The following CAPN12 variants were observed in gnomAD, a reference collection of about 807,000 sequenced individuals.
The protein encoded by CAPN12 is calpain 12, also known as calpain-12.
Under a neutral mutation model 95.0 loss-of-function variants are expected in CAPN12, and 107 were observed. That is an observed-to-expected ratio of 1.13 (90% CI 0.96 to 1.32). CAPN12 has a LOEUF of 1.32. Ranked by LOEUF, CAPN12 falls within the 40% of genes most tolerant of loss-of-function variation. The pLI is 0.00. For synonymous variants in CAPN12, 505 were observed against 415.5 expected, an observed-to-expected ratio of 1.22 and a Z score of -2.62; for missense variants, 1,136 against 997.8, an observed-to-expected ratio of 1.14 and a Z score of -1.87.
chr19:38,731,746 C>T (rs995216411), intron 18 of CAPN12, among the ~76,000 whole-genome samples: 7 of 152,228 alleles, frequency 4.6e-5, no homozygotes, highest in Non-Finnish European at 1.0e-4. Context: ...GTCTCCCACA[C>T]GGCCAGACAA....
Position 38,737,181 on chromosome 19 carries a change from A to G in CAPN12, c.1337T>C (p.Leu446Pro). The change falls in exon 10 of 21, where the codon CTC becomes CCC. Residue 446 changes from leucine (L) to proline (P), a missense_variant. Physicochemically the swap from Leu to Pro is moderately conservative, Grantham distance 98. Transcript: ENST00000328867. ...CTGGAACACGTGGAAGCCAACGGTGAGGTAAGTGAGGCCCTTGGCTCTCAG... is the reference window on the plus strand; with the variant it reads ...CTGGAACACGTGGAAGCCAACGGTGGGGTAAGTGAGGCCCTTGGCTCTCAG... ...RRLRAKGLTYLTVGFHVFQIP... is the reference protein window; with the variant it reads ...RRLRAKGLTYPTVGFHVFQIP... The G allele has an allele frequency of 6.5e-7, 1 of 1,539,506 alleles. No individual in the cohort carries two copies. The highest frequency in any genetic ancestry group is 8.7e-7 in the Non-Finnish European group (1 of 1,143,874).
intron 14 of CAPN12, 59 bp downstream of exon 14, chr19:38,735,311 G>C (rs548358485): frequency 1.3e-6 from 2 of 1,489,430 alleles, no homozygotes; most frequent in East Asian, 2.3e-5. Flanking sequence ...GTGGGGGAAG[G>C]GGGGTCCCCA....
intron 4 of CAPN12, among the ~76,000 whole-genome samples, chr19:38,741,075 C>G (rs896456187): frequency 2.0e-5 from 3 of 152,010 alleles, no homozygotes; most frequent in Admixed American, 2.0e-4. Flanking sequence ...CCCAGGGTGA[C>G]CCCCAATATT....
At chr19:38,732,565 T>C (rs755793617) in intron 18 of CAPN12, among the ~76,000 whole-genome samples, 1 of 152,202 alleles carries the variant, frequency 6.6e-6, no homozygotes, top group Non-Finnish European at 1.5e-5. Flanking sequence ...ACTCCTAGGC[T>C]CAAGCAATCT....
intron 18 of CAPN12, 90 bp from the exon 19 acceptor site, chr19:38,731,313 A>C: frequency 1.0e-6 from 1 of 972,244 alleles, no homozygotes; most frequent in African/African-American, 1.6e-5. Context: ...GAGGACATGA[A>C]TGCCACAGGG....
rs1211089292 is a variant in CAPN12, at chr19:38,730,510, CAT to C, written c.*340_*341del. ...ACCCTCTGGGGACAGGATAATAAAA[CAT>C]GTAATATTTTTAAGAAGGATTCCTG... On this transcript the variant is annotated 3_prime_UTR_variant, in exon 21 of 21. Transcript: ENST00000328867. 5.7e-5 allele frequency: 20 copies of C among 349,864 alleles called. No individual in the cohort carries two copies. The highest frequency in any genetic ancestry group is 1.0e-4 in the East Asian group (2 of 19,150). 21.7% of individuals were successfully genotyped at this position (349,864 alleles called of 1,614,324 possible). A position where few individuals can be genotyped will look rare whatever the true frequency, so the allele number is the denominator to read the frequency against.
At chr19:38,736,347 C>T (rs751479451) in intron 11 of CAPN12, 29 bp from the exon 12 acceptor site, 3 of 1,459,160 alleles carry the variant, frequency 2.1e-6, no homozygotes, top group South Asian at 2.8e-5. Context: ...GACCACGGAC[C>T]AGGCTCACCC....
At chr19:38,736,359 C>T (rs994967475) in intron 11 of CAPN12, 41 bp from the exon 12 acceptor site, 13 of 1,465,954 alleles carry the variant, frequency 8.9e-6, no homozygotes, top group Non-Finnish European at 1.2e-5. Flanking sequence ...GGCTCACCCC[C>T]GGCCCTTCAT....
rs778579767 is a variant in CAPN12 at position 38,743,005 on chromosome 19, AGGACTCCAGGTGGGTTCAGG to A, written c.307+8_307+27del. On this transcript the variant is annotated splice_region_variant and intron_variant, in intron 2 of 20. Coordinates refer to ENST00000328867, the MANE Select transcript of CAPN12 (RefSeq NM_144691.4). ...TCTCAGCTGAAACTAGCTGGATCTG[AGGACTCCAGGTGGGTTCAGG>A]GTCTCACCCAGGCTCCCCTGACACA... 1.2e-6 allele frequency: 2 copies of A among 1,610,060 alleles called. No homozygotes were observed. The highest frequency in any genetic ancestry group is 1.7e-6 in the Non-Finnish European group (2 of 1,176,482).
In CAPN12 at chr19:38,742,322, C is replaced by T. The variant is rs1031977106; in HGVS notation, c.426+88G>A. The T allele has an allele frequency of 2.7e-5, 26 of 976,796 alleles. 1 individual carries two copies. The African/African-American group carries it at 3.5e-4, about 13-fold the overall frequency. The allele number at this position is 976,796 out of a possible 1,614,324, so 60.5% of individuals were successfully genotyped here. On this transcript the variant is annotated intron_variant, in intron 3 of 20. Transcript: ENST00000328867. ...CCAGCCTGGATGACAGAGTGAGATT[C>T]CATCTCAAAAAAAAAAAAAAAGAAA...
chr19:38,733,528 T>G, intron 18 of CAPN12, 175 bp downstream of exon 18: 1 of 587,008 alleles, frequency 1.7e-6, no homozygotes, highest in Non-Finnish European at 3.0e-6. Flanking sequence ...TCTCCTTCCT[T>G]ATTTGGCCTC....
At chr19:38,736,690 A>C in intron 10 of CAPN12, 127 bp from the exon 11 acceptor site, 1 of 1,183,656 alleles carries the variant, frequency 8.4e-7, no homozygotes, top group East Asian at 2.8e-5. Flanking sequence ...CCCTTATTGA[A>C]CCTTTGCCCC....
chr19:38,734,549 G>A, intron 15 of CAPN12, 160 bp from the exon 16 acceptor site: 2 of 706,322 alleles, frequency 2.8e-6, no homozygotes, highest in South Asian at 2.0e-5. Context: ...AGCAGAGCTG[G>A]GATTCAAATC....
At position 38,744,252 on chromosome 19, in the gene CAPN12, G is replaced by A. The variant is rs1278326589; in HGVS notation, c.-87C>T. On this transcript the variant is annotated 5_prime_UTR_variant, in exon 1 of 21. Transcript: ENST00000328867. ...GCCTCTCTTCCATTGGAGCCCCAGT[G>A]GGGTCTTTAGGCAATGAGGAGCCTT... 8.0e-7 allele frequency: 1 copy of A among 1,248,154 alleles called. No homozygotes were observed. 77.3% of individuals were successfully genotyped at this position (1,248,154 alleles called of 1,614,324 possible). A position where few individuals can be genotyped will look rare whatever the true frequency, so the allele number is the denominator to read the frequency against.
chr19:38,734,010 GC>G (rs1969825213), intron 17 of CAPN12, 131 bp downstream of exon 17: 2 of 1,015,708 alleles, frequency 2.0e-6, no homozygotes, highest in African/African-American at 1.6e-5. Context: ...GGATATCCCA[GC>G]CAGATCTCTC....
At position 38,736,507 on chromosome 19, in the gene CAPN12, A is replaced by AGGTTGACCAAGCCCCAGGGCC. The variant is rs748820996; in HGVS notation, c.1374+24_1374+44dup. ...GGGCAGGTTGACCAAGCCCCAGGGC[A>AGGTTGACCAAGCCCCAGGGCC]GGTTGACCAAGCCCCAGGGCCGGTT... On this transcript the variant is annotated intron_variant, in intron 11 of 20. Transcript: ENST00000328867. The AGGTTGACCAAGCCCCAGGGCC allele has an allele frequency of 1.3e-4, 102 of 760,882 alleles. No individual in the cohort carries two copies. The African/African-American group carries it at 1.5e-3, about 11-fold the overall frequency. 47.1% of individuals were successfully genotyped at this position (760,882 alleles called of 1,614,324 possible). A position where few individuals can be genotyped will look rare whatever the true frequency, so the allele number is the denominator to read the frequency against.
At chr19:38,738,149 A>G in intron 8 of CAPN12, 124 bp downstream of exon 8, 1 of 977,450 alleles carries the variant, frequency 1.0e-6, no homozygotes, top group South Asian at 1.6e-5. Flanking sequence ...ACCTGGCCCC[A>G]AAATTACCAC....
chr19:38,740,364 C>A, intron 4 of CAPN12, 145 bp from the exon 5 acceptor site: 1 of 909,162 alleles, frequency 1.1e-6, no homozygotes, highest in South Asian at 1.8e-5. Flanking sequence ...CCAGGGTCAC[C>A]CTGTGGCCCA....
rs1369600815 is a variant in CAPN12, at chr19:38,731,016, G to A, written c.2082C>T (p.Cys694=). ...VAHLTCIFCH[C]SQHLDGGEGV... is the part of the protein sequence containing the mutation. Reference sequence around the variant, plus strand: ...CCTCACCCCCATCCAGGTGCTGGCTGCAGTGGCCTGTGCAGAGAGGGGCAG... The same window carrying A: ...CCTCACCCCCATCCAGGTGCTGGCTACAGTGGCCTGTGCAGAGAGGGGCAG... Residue 694 remains cysteine, a synonymous_variant, in exon 20 of 21, where the codon TGC becomes TGT. Transcript: ENST00000328867. 3 of 1,553,474 alleles carry A rather than the reference G, an allele frequency of 1.9e-6. No homozygotes were observed. Among genetic ancestry groups the A allele is most frequent in the South Asian group, 1.2e-5 (1 of 84,388 alleles).
Sources: gnomAD v4.1 joint callset for allele counts (sites outside exome capture counted in the v4.1 genomes callset) on GRCh38, gnomAD v4.1.1 for gene constraint, MANE v1.5 for transcripts, NCBI Gene and HGNC (gene_info 2026-07-23, HGNC 2026-07-21) for gene names.